Variants in PIK3R1 observed in about 807,000 individuals in gnomAD.
PIK3R1 encodes phosphatidylinositol 3-kinase regulatory subunit alpha.
A neutral mutation model predicts 98.0 loss-of-function variants in PIK3R1; 29 were observed. The observed-to-expected ratio is 0.30, with a 90% CI of 0.22 to 0.40. The LOEUF (loss-of-function observed/expected upper bound fraction) is 0.40. PIK3R1 is among the 10% of genes least tolerant of loss of function. PIK3R1 has a pLI of 1.00. For missense variants in PIK3R1, 596 were observed against 872.7 expected (o/e 0.68, Z 3.99); for synonymous variants, 282 against 311.8 (o/e 0.90, Z 1.01).
chr5:68,249,745 TTTGAAAGGGGCCTGC>T (rs1246041522), intron 2 of PIK3R1, among the ~76,000 whole-genome samples: 1 of 152,168 alleles, frequency 6.6e-6, no homozygotes, highest in Non-Finnish European at 1.5e-5. Context: ...TCAAGTACTC[TTTGAAAGGGGCCTGC>T]TTGTGGTGGG....
intron 2 of PIK3R1, 33 bp downstream of exon 2, chr5:68,227,042 C>T (rs373061998): frequency 2.0e-6 from 3 of 1,534,590 alleles, no homozygotes; most frequent in South Asian, 2.5e-5. Context: ...TTAATGACTC[C>T]CTTTCTTTTT....
chr5:68,226,747 G>C lies in PIK3R1; in HGVS notation c.72G>C (p.Leu24Phe), dbSNP rs1206337660. ...AGGAAAGAGAAGAAGATATTGACTTGCACTTGGGTGACATATTGACTGTGA... is the reference window on the plus strand; with the variant it reads ...AGGAAAGAGAAGAAGATATTGACTTCCACTTGGGTGACATATTGACTGTGA... ...YKKEREEDID[L>F]HLGDILTVNK... Residue 24 changes from leucine (L) to phenylalanine (F), a missense_variant, in exon 2 of 16, where the codon TTG becomes TTC. Physicochemically the swap from Leu to Phe is conservative, Grantham distance 22. This residue lies in a region of PIK3R1 where 352 missense variants were observed against 393.3 expected (regional missense o/e 0.90). Transcript: ENST00000521381. 1 of 1,614,032 alleles carries C rather than the reference G, an allele frequency of 6.2e-7. No individual in the cohort carries two copies. Among genetic ancestry groups the C allele is most frequent in the Non-Finnish European group, 8.5e-7 (1 of 1,180,004 alleles).
chr5:68,292,474 T>G, intron 8 of PIK3R1, 113 bp downstream of exon 8: 1 of 1,450,420 alleles, frequency 6.9e-7, no homozygotes. Flanking sequence ...GAAGCATAGT[T>G]GGTTCTCTTC....
intron 2 of PIK3R1, among the ~76,000 whole-genome samples, chr5:68,234,072 C>G (rs186971336): frequency 2.0e-5 from 3 of 152,224 alleles, no homozygotes; most frequent in East Asian, 3.9e-4. Context: ...TATCCAAGAT[C>G]GTAAAGAATA....
intron 2 of PIK3R1, among the ~76,000 whole-genome samples, chr5:68,270,350 T>A (rs1344769918): frequency 6.6e-6 from 1 of 152,190 alleles, no homozygotes; most frequent in East Asian, 1.9e-4. Context: ...ATGGAGCATT[T>A]GCCAGCCCAG....
chr5:68,276,619 G>C (rs548466716), intron 4 of PIK3R1, among the ~76,000 whole-genome samples: 6 of 152,346 alleles, frequency 3.9e-5, no homozygotes, highest in African/African-American at 1.4e-4. Context: ...TAATGGAAGA[G>C]CACGTTAGGC....
At chr5:68,237,085 A>C (rs112769890) in intron 2 of PIK3R1, among the ~76,000 whole-genome samples, 5 of 152,186 alleles carry the variant, frequency 3.3e-5, no homozygotes, top group African/African-American at 9.6e-5. Context: ...AAGTTTTCTT[A>C]TTTCAGACTC....
At chr5:68,273,319 C>A in intron 2 of PIK3R1, 71 bp from the exon 3 acceptor site, 1 of 1,310,210 alleles carries the variant, frequency 7.6e-7, no homozygotes, top group Non-Finnish European at 1.1e-6. Flanking sequence ...TTATTTTGTA[C>A]GTCCTTCATT....
In PIK3R1 at chr5:68,293,466, G is replaced by A. The variant is rs768309285; in HGVS notation, c.1282G>A (p.Val428Ile). 2 of 1,609,436 alleles carry A rather than the reference G, an allele frequency of 1.2e-6. No homozygotes were observed. Among genetic ancestry groups the A allele is most frequent in the Non-Finnish European group, 1.7e-6 (2 of 1,176,814 alleles). The change falls in exon 10 of 16, where the codon GTA (valine) becomes ATA (isoleucine). Residue 428 changes from valine to isoleucine, a missense_variant. Coordinates refer to ENST00000521381, the MANE Select transcript of PIK3R1 (RefSeq NM_181523.3). Reference protein sequence around the residue: ...PKLDVKLLYPVSKYQQDQVVK... With the variant: ...PKLDVKLLYPISKYQQDQVVK... ...ATTGGATGTGAAATTACTTTATCCA[G>A]TATCCAAATACCAACAGGTAATAAA...
intron 2 of PIK3R1, among the ~76,000 whole-genome samples, chr5:68,262,555 A>G (rs1561277884): frequency 7.2e-6 from 1 of 139,374 alleles, no homozygotes; most frequent in Non-Finnish European, 1.6e-5. Flanking sequence ...TCTAATGTAT[A>G]CATGTATACA....
chr5:68,245,739 G>A (rs1481059095), intron 2 of PIK3R1, among the ~76,000 whole-genome samples: 2 of 152,150 alleles, frequency 1.3e-5, no homozygotes, highest in Non-Finnish European at 2.9e-5. Context: ...TAAACCTGAC[G>A]AAAATGAAAG....
intron 1 of PIK3R1, among the ~76,000 whole-genome samples, chr5:68,221,595 G>C (rs1197154991): frequency 1.3e-5 from 2 of 152,182 alleles, no homozygotes; most frequent in Non-Finnish European, 2.9e-5. Flanking sequence ...CTGTATTCCT[G>C]CCTGTCCATC....
At chr5:68,263,207 A>G (rs1289099012) in intron 2 of PIK3R1, among the ~76,000 whole-genome samples, 4 of 131,104 alleles carry the variant, frequency 3.1e-5, no homozygotes, top group African/African-American at 6.1e-5. Flanking sequence ...ATATATCTAT[A>G]TATATATTTC....
chr5:68,270,291 T>A (rs1211293570), intron 2 of PIK3R1, among the ~76,000 whole-genome samples: 2 of 152,182 alleles, frequency 1.3e-5, no homozygotes, highest in African/African-American at 2.4e-5. Flanking sequence ...TTTGCTTTTT[T>A]AAAAAATTTT....
chr5:68,247,294 T>C (rs1745136389), intron 2 of PIK3R1, among the ~76,000 whole-genome samples: 1 of 152,240 alleles, frequency 6.6e-6, no homozygotes, highest in Admixed American at 6.5e-5. Context: ...TGGACACATT[T>C]TAGAGGCTTG....
At chr5:68,269,425 TTG>T (rs1746257624) in intron 2 of PIK3R1, among the ~76,000 whole-genome samples, 1 of 152,206 alleles carries the variant, frequency 6.6e-6, no homozygotes, top group South Asian at 2.1e-4. Context: ...CTCTGTTAAT[TTG>T]TGTTTGCTCC....
intron 2 of PIK3R1, among the ~76,000 whole-genome samples, chr5:68,260,802 C>A (rs1025222604): frequency 6.6e-6 from 1 of 152,120 alleles, no homozygotes. Flanking sequence ...AGCCAAATTA[C>A]GTTCTCTGAT....
intron 7 of PIK3R1, chr5:68,290,521 T>G (rs909240804): frequency 2.0e-6 from 1 of 496,050 alleles, no homozygotes; most frequent in African/African-American, 2.0e-5. Context: ...TTAGTGAGGT[T>G]GGCATTATGT....
chr5:68,301,497 C>CACAT lies in PIK3R1; in HGVS notation c.*3897_*3898insCATA, dbSNP rs2112321336. The CACAT allele has an allele frequency of 7.5e-6, 1 of 132,986 alleles. No individual in the cohort carries two copies. Among genetic ancestry groups the CACAT allele is most frequent in the African/African-American group, 2.9e-5 (1 of 34,062 alleles). 8.2% of individuals were successfully genotyped at this position (132,986 alleles called of 1,614,324 possible). A position where few individuals can be genotyped will look rare whatever the true frequency, so the allele number is the denominator to read the frequency against. On this transcript the variant is annotated 3_prime_UTR_variant, in exon 16 of 16. Transcript: ENST00000521381. ...ATATACATATATGTATATATATGCACATATATATATGTATTTAAAAAAATC... is the reference window on the plus strand; with the variant it reads ...ATATACATATATGTATATATATGCACACATATATATATATGTATTTAAAAAAATC...
Sources: gnomAD v4.1 joint callset for allele counts (sites outside exome capture counted in the v4.1 genomes callset) on GRCh38, gnomAD v4.1.1 for gene constraint, gnomAD v4.1.1 regional missense constraint, MANE v1.5 for transcripts, NCBI Gene and HGNC (gene_info 2026-07-23, HGNC 2026-07-21) for gene names.